Variants in NEK10 observed in about 807,000 individuals in gnomAD.
The protein encoded by NEK10 is serine/threonine-protein kinase Nek10.
A neutral mutation model predicts 159.8 loss-of-function variants in NEK10; 122 were observed. The ratio of observed to expected loss-of-function variants is 0.76; its 90% CI spans 0.66 to 0.89. The LOEUF is 0.89. NEK10 is among the 40% of genes least tolerant of loss of function. The pLI, the probability that NEK10 is intolerant of heterozygous loss-of-function variation, is 0.00. For missense variants in NEK10, 1,342 were observed against 1,323.1 expected, an observed-to-expected ratio of 1.01 and a Z score of -0.22; for synonymous variants, 466 against 457.1, an observed-to-expected ratio of 1.02 and a Z score of -0.25.
At chr3:27,243,830 G>GGTGTGTGT (rs56720203) in intron 23 of NEK10, among the ~76,000 whole-genome samples, 18 of 148,382 alleles carry the variant, frequency 1.2e-4, no homozygotes, top group Admixed American at 1.3e-4. Flanking sequence ...TGACACCATG[G>GGTGTGTGT]GTGTGTGTGT....
At chr3:27,230,857 C>T (rs1953175605) in intron 23 of NEK10, among the ~76,000 whole-genome samples, 1 of 151,810 alleles carries the variant, frequency 6.6e-6, no homozygotes, top group African/African-American at 2.4e-5. Flanking sequence ...CACTGGAGCT[C>T]CCAGATTTAT....
chr3:27,257,199 C>A (rs1956292841), intron 22 of NEK10, among the ~76,000 whole-genome samples: 2 of 152,194 alleles, frequency 1.3e-5, no homozygotes, highest in South Asian at 2.1e-4. Context: ...CAGGCGTGAG[C>A]CACCAGGCCC....
In NEK10 at chr3:27,115,237, T is replaced by G. The variant is rs138974506; in HGVS notation, c.3299+703A>C. Among the ~76,000 whole-genome samples the G allele has an allele frequency of 6.2e-4, 94 of 152,340 alleles. 1 individual carries two copies. Among genetic ancestry groups the G allele is most frequent in the African/African-American group, 1.5e-3 (63 of 41,574 alleles). The stretch of plus-strand genomic sequence containing the variant: ...TTTCCCCAGTGGGATCAGGCTTCAA[T>G]CACCTACAATGCTAATTTGCTTGAT... On this transcript the variant is annotated intron_variant, in intron 35 of 35. Coordinates refer to ENST00000691995, the MANE Select transcript of NEK10 (RefSeq NM_001394966.1).
intron 5 of NEK10, among the ~76,000 whole-genome samples, chr3:27,336,817 T>C (rs1348913605): frequency 6.6e-6 from 1 of 152,110 alleles, no homozygotes; most frequent in Non-Finnish European, 1.5e-5. Context: ...TTAAAAACTC[T>C]CAACAAACTA....
rs537044475 is a variant in NEK10, at chr3:27,302,756, T to C, written c.1029-921A>G. 3.8e-4 allele frequency among the ~76,000 whole-genome samples: 58 copies of C among 152,336 alleles called. No homozygotes were observed. In the Middle Eastern group the frequency reaches 0.01, roughly 27 times the overall value. ...TGGAGTTTCCTTGACTTCCCTCTCA[T>C]GTCATCTGGGTCCACTAGTGTCCTC... is the stretch of plus-strand genomic sequence containing the variant. On this transcript the variant is annotated intron_variant, in intron 12 of 35. Coordinates refer to ENST00000691995, the MANE Select transcript of NEK10 (RefSeq NM_001394966.1).
intron 23 of NEK10, among the ~76,000 whole-genome samples, chr3:27,219,507 T>C (rs531596357): frequency 3.3e-5 from 5 of 152,348 alleles, no homozygotes; most frequent in African/African-American, 7.2e-5. Context: ...GTCTTTTCTA[T>C]CTCTTTAGTG....
At chr3:27,302,464 C>A (rs529536589) in intron 12 of NEK10, among the ~76,000 whole-genome samples, 65 of 151,966 alleles carry the variant, frequency 4.3e-4, no homozygotes, top group Non-Finnish European at 7.8e-4. Context: ...TCTTTCCTAG[C>A]TCTGCAGTCT....
intron 9 of NEK10, chr3:27,309,816 G>A (rs1414901172): frequency 1.3e-5 from 2 of 152,012 alleles, no homozygotes; most frequent in African/African-American, 2.4e-5. Flanking sequence ...GAATACTATC[G>A]AGCATTCCAT....
At chr3:27,314,177 C>G (rs1238259473) in intron 7 of NEK10, 120 bp downstream of exon 7, 5 of 713,888 alleles carry the variant, frequency 7.0e-6, no homozygotes, top group Non-Finnish European at 1.3e-5. Flanking sequence ...CTGTCTGTCC[C>G]TCTCTGGGGC....
intron 22 of NEK10, among the ~76,000 whole-genome samples, chr3:27,275,907 T>G (rs988908372): frequency 5.9e-5 from 9 of 152,132 alleles, no homozygotes; most frequent in African/African-American, 1.9e-4. Flanking sequence ...GTAAAATTTT[T>G]TCTTTGAGTT....
intron 23 of NEK10, among the ~76,000 whole-genome samples, chr3:27,211,784 C>G (rs1276370017): frequency 6.6e-6 from 1 of 152,098 alleles, no homozygotes; most frequent in Non-Finnish European, 1.5e-5. Flanking sequence ...AGTTTACATT[C>G]CAGTAAAGGA....
At chr3:27,234,226 C>A (rs999273084) in intron 23 of NEK10, among the ~76,000 whole-genome samples, 3 of 151,922 alleles carry the variant, frequency 2.0e-5, no homozygotes, top group Non-Finnish European at 4.4e-5. Flanking sequence ...TGCTCTCTTA[C>A]AACTCCTATT....
At chr3:27,304,102 A>G (rs531029283) in intron 12 of NEK10, among the ~76,000 whole-genome samples, 1 of 152,322 alleles carries the variant, frequency 6.6e-6, no homozygotes, top group East Asian at 1.9e-4. Context: ...AAAACTATCC[A>G]TTCTCCGTGC....
intron 5 of NEK10, among the ~76,000 whole-genome samples, chr3:27,332,812 T>G (rs1323042470): frequency 6.6e-6 from 1 of 152,194 alleles, no homozygotes; most frequent in African/African-American, 2.4e-5. Flanking sequence ...ACCAACGCCC[T>G]TTGTACTTAC....
At position 27,352,824 on chromosome 3, in the gene NEK10, T is replaced by C. The variant is rs756761789; in HGVS notation, c.59A>G (p.Glu20Gly). The change falls in exon 2 of 36, where the codon GAA becomes GGA. Residue 20 changes from glutamate to glycine, a missense_variant. Transcript: ENST00000691995. Reference sequence around the variant, plus strand: ...AGTAGGGAGTTACCTGATGGTGATTTCTTGCTGTTTATCAGTTGATTTTTC... The same window carrying C: ...AGTAGGGAGTTACCTGATGGTGATTCCTTGCTGTTTATCAGTTGATTTTTC... Reference protein sequence around the residue: ...TTEKSTDKQQEITIRDYSDLK... With the variant: ...TTEKSTDKQQGITIRDYSDLK... 5 of 1,609,038 alleles carry C rather than the reference T, an allele frequency of 3.1e-6. No homozygotes were observed. The highest frequency in any genetic ancestry group is 3.4e-6 in the Non-Finnish European group (4 of 1,175,700).
rs145776290 is a variant in NEK10, at chr3:27,193,225, A to G, written c.2292-983T>C. ...CTTTCTAAATATTTCTTGAATCCAC[A>G]TCCTTCCCCTGTAATCCCACAGCTA... On this transcript the variant is annotated intron_variant, in intron 25 of 35. Coordinates refer to ENST00000691995, the MANE Select transcript of NEK10 (RefSeq NM_001394966.1). Among the ~76,000 whole-genome samples the G allele has an allele frequency of 1.4e-3, 211 of 152,310 alleles. 1 individual carries two copies. The highest frequency in any genetic ancestry group is 4.8e-3 in the African/African-American group (199 of 41,572).
At chr3:27,362,737 C>T (rs1351065948) in intron 1 of NEK10, among the ~76,000 whole-genome samples, 2 of 151,774 alleles carry the variant, frequency 1.3e-5, no homozygotes, top group African/African-American at 4.8e-5. Flanking sequence ...CTCTTCCTCA[C>T]CCCCGTATCT....
intron 26 of NEK10, among the ~76,000 whole-genome samples, 192 bp from the exon 27 acceptor site, chr3:27,175,025 T>C (rs1947368584): frequency 6.6e-6 from 1 of 152,124 alleles, no homozygotes; most frequent in South Asian, 2.1e-4. Flanking sequence ...AAGATGCAGG[T>C]CTATAAGCTA....
At chr3:27,259,076 T>A (rs1372662925) in intron 22 of NEK10, among the ~76,000 whole-genome samples, 1 of 151,954 alleles carries the variant, frequency 6.6e-6, no homozygotes, top group Non-Finnish European at 1.5e-5. Context: ...GTTTTTTTTT[T>A]ATTGTAAATT....
Sources: allele counts gnomAD v4.1 joint callset (sites outside exome capture counted in the v4.1 genomes callset), GRCh38; gene constraint gnomAD v4.1.1; transcripts MANE v1.5; gene names NCBI Gene and HGNC (gene_info 2026-07-23, HGNC 2026-07-21).